LMAN2: variants seen among roughly 807,000 people sequenced by gnomAD.
The protein encoded by LMAN2 is vesicular integral-membrane protein VIP36.
Under a neutral mutation model 39.3 loss-of-function variants are expected in LMAN2, and 22 were observed. The observed-to-expected ratio is 0.56, with a 90% CI of 0.40 to 0.80. The LOEUF (loss-of-function observed/expected upper bound fraction) is 0.80, where lower values mean the gene tolerates loss of function less well. LMAN2 is among the 30% of genes least tolerant of loss of function. The probability of loss-of-function intolerance (pLI) is 0.00; values close to 1 mark genes in which losing one functional copy is unlikely to be tolerated. For synonymous variants in LMAN2, 207 were observed against 207.8 expected, an observed-to-expected ratio of 1.00 and a Z score of 0.03; for missense variants, 494 against 505.4, an observed-to-expected ratio of 0.98 and a Z score of 0.22.
At chr5:177,338,393 C>A (rs1404330005) in intron 3 of LMAN2, 95 bp downstream of exon 3, 7 of 948,544 alleles carry the variant, frequency 7.4e-6, no homozygotes, top group South Asian at 1.3e-5. Flanking sequence ...CTGGTCCCCA[C>A]GAGCCACAGG....
chr5:177,343,984 A>AG lies in LMAN2; in HGVS notation c.316-5380dup, dbSNP rs978327575. ...CAGCACTTTGGGAGGCCAAGGCAGG[A>AG]GGATTGCTTGAGGCCAGGAGTTCGA... On this transcript the variant is annotated intron_variant, in intron 2 of 7. Coordinates refer to ENST00000303127, the MANE Select transcript of LMAN2 (RefSeq NM_006816.3). Among the ~76,000 whole-genome samples the AG allele has an allele frequency of 1.4e-3, 212 of 152,048 alleles. 2 individuals are homozygous for AG. Among genetic ancestry groups the AG allele is most frequent in the African/African-American group, 4.9e-3 (204 of 41,476 alleles).
chr5:177,335,557 C>A (rs1394157762), intron 6 of LMAN2, among the ~76,000 whole-genome samples: 2 of 152,156 alleles, frequency 1.3e-5, no homozygotes, highest in Admixed American at 1.3e-4. Flanking sequence ...CAAGAACCCT[C>A]CAAAGACAAG....
chr5:177,341,567 T>C (rs1476045647), intron 2 of LMAN2, among the ~76,000 whole-genome samples: 1 of 152,044 alleles, frequency 6.6e-6, no homozygotes, highest in African/African-American at 2.4e-5. Flanking sequence ...CCTTCAAGAA[T>C]GAAGGTAAAA....
intron 3 of LMAN2, 139 bp downstream of exon 3, chr5:177,338,349 G>A (rs950624852): frequency 1.6e-4 from 106 of 673,688 alleles, no homozygotes; most frequent in Non-Finnish European, 2.4e-4. Context: ...CTTTATCCAC[G>A]GGAGGCAGCA....
At chr5:177,342,911 A>G (rs577253538) in intron 2 of LMAN2, among the ~76,000 whole-genome samples, 1 of 152,134 alleles carries the variant, frequency 6.6e-6, no homozygotes, top group Admixed American at 6.5e-5. Context: ...AATAGGAGAA[A>G]ATATTTGCAA....
intron 2 of LMAN2, among the ~76,000 whole-genome samples, chr5:177,350,305 G>A (rs1359399968): frequency 6.6e-6 from 1 of 152,184 alleles, no homozygotes; most frequent in Admixed American, 6.5e-5. Context: ...CCATGGGAAG[G>A]GCTGAGATTA....
chr5:177,349,266 T>C (rs1290132794), intron 2 of LMAN2, among the ~76,000 whole-genome samples: 1 of 152,134 alleles, frequency 6.6e-6, no homozygotes, highest in East Asian at 1.9e-4. Flanking sequence ...AGACAGCAGG[T>C]GTTCAGGGAA....
At position 177,337,789 on chromosome 5, in the gene LMAN2, G is replaced by A; in HGVS notation, c.434-4C>T. Reference sequence around the variant, plus strand: ...TCTTTGCTTCCAAACACAGGCCCTAGAATTATAAGCAGATGCTCTCAGAAT... The same window carrying A: ...TCTTTGCTTCCAAACACAGGCCCTAAAATTATAAGCAGATGCTCTCAGAAT... On this transcript the variant is annotated splice_region_variant and splice_polypyrimidine_tract_variant and intron_variant, in intron 3 of 7. Coordinates refer to ENST00000303127, the MANE Select transcript of LMAN2 (RefSeq NM_006816.3). The surrounding 1 kb of genome is among the most constrained non-coding windows in gnomAD (Gnocchi z 8.2). 1 of 1,613,530 alleles carries A rather than the reference G, an allele frequency of 6.2e-7. No homozygotes were observed. The highest frequency in any genetic ancestry group is 8.5e-7 in the Non-Finnish European group (1 of 1,179,768).
At chr5:177,350,433 A>G (rs1318999907) in intron 2 of LMAN2, among the ~76,000 whole-genome samples, 2 of 152,092 alleles carry the variant, frequency 1.3e-5, no homozygotes, top group Non-Finnish European at 2.9e-5. Context: ...AGCAGCTGTC[A>G]TTGGCCACTG....
At chr5:177,335,386 T>C (rs1482526199) in intron 6 of LMAN2, among the ~76,000 whole-genome samples, 1 of 152,152 alleles carries the variant, frequency 6.6e-6, no homozygotes, top group African/African-American at 2.4e-5. Context: ...TGCCTAAAAA[T>C]ACATCAGGTG....
At chr5:177,336,409 A>G (rs1422104329) in intron 6 of LMAN2, among the ~76,000 whole-genome samples, 4 of 152,168 alleles carry the variant, frequency 2.6e-5, no homozygotes, top group African/African-American at 9.7e-5. Context: ...GCTGAAGGCG[A>G]TTACTGAAGG....
intron 6 of LMAN2, among the ~76,000 whole-genome samples, chr5:177,335,515 C>T (rs910723451): frequency 2.0e-5 from 3 of 152,186 alleles, no homozygotes; most frequent in African/African-American, 7.2e-5. Context: ...GAGCTGCCAC[C>T]GGCCACAGCA....
In LMAN2 at chr5:177,337,672, C is replaced by G. The variant is rs1370784145; in HGVS notation, c.513+34G>C. ...CCTCTAGCCGACTGCCCAGTCCTTC[C>G]TTTCCTGCTCAGCAGGATAGAGCAG... On this transcript the variant is annotated intron_variant, in intron 4 of 7. Coordinates refer to ENST00000303127, the MANE Select transcript of LMAN2 (RefSeq NM_006816.3). The surrounding 1 kb of genome is among the most constrained non-coding windows in gnomAD (Gnocchi z 8.2). The G allele has an allele frequency of 6.2e-7, 1 of 1,612,020 alleles. No homozygotes were observed. The highest frequency in any genetic ancestry group is 2.2e-5 in the East Asian group (1 of 44,864).
intron 2 of LMAN2, 144 bp downstream of exon 2, chr5:177,351,029 T>C (rs1761714196): frequency 2.7e-6 from 2 of 736,432 alleles, no homozygotes; most frequent in Non-Finnish European, 4.9e-6. Flanking sequence ...CATCGCCTCT[T>C]ATTATTGGTG....
intron 2 of LMAN2, among the ~76,000 whole-genome samples, chr5:177,341,879 G>A (rs997638088): frequency 6.6e-5 from 10 of 152,206 alleles, no homozygotes; most frequent in Admixed American, 6.5e-4. Context: ...ATTATCATTA[G>A]TCTTTGGTAC....
rs140530570 is a variant in LMAN2, at chr5:177,337,522, G to A, written c.516C>T (p.Arg172=). Residue 172 remains arginine, a splice_region_variant and synonymous_variant, in exon 5 of 8, where the codon CGC becomes CGT. Coordinates refer to ENST00000303127, the MANE Select transcript of LMAN2 (RefSeq NM_006816.3). This position sits in a 1 kb window ranked among gnomAD's most constrained non-coding sequence, Gnocchi z 8.2. ...DTYPNDETTE[R]VFPYISVMVN... is the part of the protein sequence containing the mutation. Reference sequence around the variant, plus strand: ...CCATCACCGAGATGTACGGGAACACGCGCTGGGACCAAGACATCGGTTACT... The same window carrying A: ...CCATCACCGAGATGTACGGGAACACACGCTGGGACCAAGACATCGGTTACT... The A allele has an allele frequency of 5.0e-5, 80 of 1,613,560 alleles. No individual in the cohort carries two copies. Among genetic ancestry groups the A allele is most frequent in the Non-Finnish European group, 6.1e-5 (72 of 1,179,738 alleles).
intron 6 of LMAN2, 158 bp downstream of exon 6, chr5:177,336,978 T>A (rs544607461): frequency 7.0e-5 from 43 of 610,350 alleles, no homozygotes; most frequent in Admixed American, 6.8e-4. Flanking sequence ...CCACAGGAAC[T>A]GAGGCCCGGA....
At position 177,332,927 on chromosome 5, in the gene LMAN2, C is replaced by G. The variant is rs987825500; in HGVS notation, c.911-681G>C. 1.3e-5 allele frequency among the ~76,000 whole-genome samples: 2 copies of G among 152,286 alleles called. No homozygotes were observed. Among genetic ancestry groups the G allele is most frequent in the East Asian group, 3.9e-4 (2 of 5,158 alleles). ...TGCCTCCCTCCCTGACTGCGGCCCCCCCGACTCCACACTGTACAGTCTCCT... is the reference window on the plus strand; with the variant it reads ...TGCCTCCCTCCCTGACTGCGGCCCCGCCGACTCCACACTGTACAGTCTCCT... On this transcript the variant is annotated intron_variant, in intron 7 of 7. Coordinates refer to ENST00000303127, the MANE Select transcript of LMAN2 (RefSeq NM_006816.3). The surrounding 1 kb of genome is among the most constrained non-coding windows in gnomAD (Gnocchi z 6.3).
At position 177,332,228 on chromosome 5, in the gene LMAN2, G is replaced by C. The variant is rs774547227; in HGVS notation, c.929C>G (p.Thr310Arg). The change falls in exon 8 of 8, where the codon ACG (threonine) becomes AGG (arginine). Residue 310 changes from threonine (T) to arginine (R), a missense_variant. By Grantham distance (71) the Thr-to-Arg change is moderately conservative. Transcript: ENST00000303127. The surrounding 1 kb of genome is among the most constrained non-coding windows in gnomAD (Gnocchi z 6.3). ...KSPKDNVDDP[T>R]GNFRSGPLTG... The stretch of plus-strand genomic sequence containing the variant: ...CAGGGGCCCGCTGCGGAAGTTCCCC[G>C]TGGGGTCGTCCACGTTGTCTGGGGG... 1 of 1,612,802 alleles carries C rather than the reference G, an allele frequency of 6.2e-7. No homozygotes were observed. Among genetic ancestry groups the C allele is most frequent in the Non-Finnish European group, 8.5e-7 (1 of 1,179,756 alleles).
Sources: gnomAD v4.1 joint callset for allele counts (sites outside exome capture counted in the v4.1 genomes callset) on GRCh38, gnomAD v4.1.1 for gene constraint, Gnocchi (gnomAD v3.1) non-coding constraint, MANE v1.5 for transcripts, NCBI Gene and HGNC (gene_info 2026-07-23, HGNC 2026-07-21) for gene names.